CUL4A: variants seen among roughly 807,000 people sequenced by gnomAD.
The protein encoded by CUL4A is cullin 4A.
Under a neutral mutation model 95.5 loss-of-function variants are expected in CUL4A, and 16 were observed. That is an observed-to-expected ratio of 0.17 (90% CI 0.11 to 0.25). CUL4A has a LOEUF of 0.25. CUL4A is among the 10% of genes least tolerant of loss of function. The pLI is 1.00. For synonymous variants in CUL4A, 380 were observed against 353.1 expected (o/e 1.08, Z -0.85); for missense variants, 610 against 937.0 (o/e 0.65, Z 4.56).
intron 2 of CUL4A, among the ~76,000 whole-genome samples, chr13:113,217,171 T>C (rs563175676): frequency 2.4e-4 from 36 of 152,354 alleles, no homozygotes; most frequent in African/African-American, 8.4e-4. Context: ...TCATGTGTTA[T>C]ATAAAAAACT....
chr13:113,213,503 CT>C (rs1567010299), intron 2 of CUL4A, among the ~76,000 whole-genome samples: 1 of 152,058 alleles, frequency 6.6e-6, no homozygotes, highest in Non-Finnish European at 1.5e-5. Flanking sequence ...CCCACCTGAA[CT>C]CTCAGAGGTC....
chr13:113,221,475 G>T (rs2040894835), intron 3 of CUL4A, among the ~76,000 whole-genome samples: 1 of 152,228 alleles, frequency 6.6e-6, no homozygotes, highest in African/African-American at 2.4e-5. Context: ...ATGGGATTCT[G>T]TCCCTTTGGA....
intron 5 of CUL4A, among the ~76,000 whole-genome samples, chr13:113,231,597 C>T (rs1222018751): frequency 6.6e-6 from 1 of 152,160 alleles, no homozygotes; most frequent in Non-Finnish European, 1.5e-5. Flanking sequence ...CCTGGCACTG[C>T]CCCAAGGGCT....
intron 2 of CUL4A, among the ~76,000 whole-genome samples, chr13:113,214,474 G>GT (rs1595344774): frequency 6.6e-6 from 1 of 151,912 alleles, no homozygotes; most frequent in Admixed American, 6.6e-5. Flanking sequence ...TTTAGAACTG[G>GT]TTTTTTTGTT....
chr13:113,246,193 C>T (rs542492166), intron 15 of CUL4A, 130 bp downstream of exon 15: 152 of 663,404 alleles, frequency 2.3e-4, no homozygotes, highest in Middle Eastern at 1.2e-3. Flanking sequence ...TCAAAGTGCT[C>T]TTATGGTCTT....
At chr13:113,228,637 C>G (rs1405331719) in intron 4 of CUL4A, among the ~76,000 whole-genome samples, 1 of 151,918 alleles carries the variant, frequency 6.6e-6, no homozygotes, top group Non-Finnish European at 1.5e-5. Context: ...ACAAGTCTCC[C>G]CAGCCAGGTA....
chr13:113,255,742 T>C (rs2042104861), intron 18 of CUL4A, among the ~76,000 whole-genome samples: 1 of 152,228 alleles, frequency 6.6e-6, no homozygotes, highest in South Asian at 2.1e-4. Flanking sequence ...TGGGTAACTC[T>C]GCTTTTTGCA....
At chr13:113,242,773 G>A (rs912237071) in intron 10 of CUL4A, among the ~76,000 whole-genome samples, 195 bp from the exon 11 acceptor site, 3 of 152,188 alleles carry the variant, frequency 2.0e-5, no homozygotes, top group African/African-American at 7.2e-5. Flanking sequence ...GCCGCAGAGT[G>A]AGGGCCTGCC....
intron 18 of CUL4A, among the ~76,000 whole-genome samples, chr13:113,257,114 G>A (rs904483953): frequency 1.3e-5 from 2 of 151,738 alleles, no homozygotes; most frequent in East Asian, 1.9e-4. Context: ...TAGTAGAGAC[G>A]GGGTTTCACC....
chr13:113,236,267 C>T (rs1220509074), intron 8 of CUL4A, among the ~76,000 whole-genome samples: 7 of 152,064 alleles, frequency 4.6e-5, no homozygotes, highest in African/African-American at 1.7e-4. Context: ...CAGGGTGGCT[C>T]GGGGGCCATG....
At chr13:113,218,491 G>C (rs576864160) in intron 2 of CUL4A, among the ~76,000 whole-genome samples, 4 of 152,240 alleles carry the variant, frequency 2.6e-5, no homozygotes, top group Admixed American at 2.6e-4. Flanking sequence ...AGATTTTCTT[G>C]GTTCTCTAGC....
Position 113,265,682 on chromosome 13 carries a change from CG to C in CUL4A, c.*2102del, listed in dbSNP as rs1350453844. On this transcript the variant is annotated 3_prime_UTR_variant, in exon 20 of 20. Transcript: ENST00000375440. ...GATTACAGGCGTGAGCCACCATGCC[CG>C]GCCTGCCTGTTTCTGTTTTATAAAA... The C allele has an allele frequency of 6.6e-6, 1 of 152,212 alleles. No individual in the cohort carries two copies. The highest frequency in any genetic ancestry group is 1.5e-5 in the Non-Finnish European group (1 of 68,068). 9.4% of individuals were successfully genotyped at this position (152,212 alleles called of 1,614,324 possible).
At chr13:113,249,348 TGTGCCATACATCA>T (rs1242618987) in intron 15 of CUL4A, among the ~76,000 whole-genome samples, 4 of 152,178 alleles carry the variant, frequency 2.6e-5, no homozygotes, top group African/African-American at 9.7e-5. Flanking sequence ...CCATCCGTGC[TGTGCCATACATCA>T]GCGCTTTATT....
chr13:113,267,044 G>T lies in CUL4A; in HGVS notation c.*3462G>T, dbSNP rs2139331883. 1 of 152,130 alleles carries T rather than the reference G, an allele frequency of 6.6e-6. No individual in the cohort carries two copies. The highest frequency in any genetic ancestry group is 3.4e-3 in the Middle Eastern group (1 of 294). 9.4% of individuals were successfully genotyped at this position (152,130 alleles called of 1,614,324 possible). On this transcript the variant is annotated 3_prime_UTR_variant, in exon 20 of 20. Coordinates refer to ENST00000375440, the MANE Select transcript of CUL4A (RefSeq NM_001008895.4). ...TTGAAATGTACAATACTCAATTTTT[G>T]ACTGTATTCACCATGCTGTACAATA...
At chr13:113,239,908 T>C (rs2041657980) in intron 10 of CUL4A, among the ~76,000 whole-genome samples, 1 of 152,266 alleles carries the variant, frequency 6.6e-6, no homozygotes, top group Non-Finnish European at 1.5e-5. Context: ...GATCTCCTCA[T>C]GCCCTTTCCT....
intron 5 of CUL4A, among the ~76,000 whole-genome samples, chr13:113,231,563 GCCTT>G (rs2041310972): frequency 6.6e-6 from 1 of 152,182 alleles, no homozygotes; most frequent in Non-Finnish European, 1.5e-5. Context: ...GGAGACCTAA[GCCTT>G]CCTAAGCACT....
At chr13:113,253,409 A>G (rs1283617767) in intron 16 of CUL4A, among the ~76,000 whole-genome samples, 1 of 152,206 alleles carries the variant, frequency 6.6e-6, no homozygotes, top group East Asian at 1.9e-4. Flanking sequence ...ACCTATTGAA[A>G]AAAAGAGCAG....
chr13:113,235,244 C>A, intron 8 of CUL4A, 99 bp downstream of exon 8: 1 of 798,010 alleles, frequency 1.3e-6, no homozygotes, highest in Non-Finnish European at 2.1e-6. Context: ...TCAATTCATT[C>A]AGTACTAAGA....
At chr13:113,216,398 A>G (rs1048671017) in intron 2 of CUL4A, among the ~76,000 whole-genome samples, 5 of 152,254 alleles carry the variant, frequency 3.3e-5, no homozygotes, top group Admixed American at 3.3e-4. Context: ...TAATACAGAC[A>G]ATCATTTGAT....
Sources: allele counts gnomAD v4.1 joint callset (sites outside exome capture counted in the v4.1 genomes callset), GRCh38; gene constraint gnomAD v4.1.1; transcripts MANE v1.5; gene names NCBI Gene and HGNC (gene_info 2026-07-23, HGNC 2026-07-21).